The following PHTF2 variants were observed in gnomAD, a reference collection of about 807,000 sequenced individuals.
PHTF2 encodes the protein protein PHTF2.
A neutral mutation model predicts 101.2 loss-of-function variants in PHTF2; 60 were observed. The ratio of observed to expected loss-of-function variants is 0.59; its 90% CI spans 0.48 to 0.73. PHTF2 has a LOEUF of 0.73. Ranked by LOEUF, PHTF2 falls within the 30% of genes least tolerant of loss-of-function variation. The probability of loss-of-function intolerance (pLI) is 0.00; values close to 1 mark genes in which losing one functional copy is unlikely to be tolerated. For missense variants in PHTF2, 747 were observed against 908.7 expected, an observed-to-expected ratio of 0.82 and a Z score of 2.29; for synonymous variants, 311 against 307.3, an observed-to-expected ratio of 1.01 and a Z score of -0.13.
At chr7:77,892,962 T>C (rs1800565286) in intron 3 of PHTF2, among the ~76,000 whole-genome samples, 1 of 152,222 alleles carries the variant, frequency 6.6e-6, no homozygotes, top group Non-Finnish European at 1.5e-5. Flanking sequence ...TTAAAAATAA[T>C]GCCATAAAGA....
rs71082798 is a variant in PHTF2 at position 77,947,837 on chromosome 7, C to CTTTTTTTTTTTTTTTTT, written c.1960-1839_1960-1823dup. On this transcript the variant is annotated intron_variant, in intron 16 of 19. Coordinates refer to ENST00000416283, the Ensembl canonical transcript of PHTF2. Reference sequence around the variant, plus strand: ...TTATTTTCTTTTTTCTTTTTTCTTTCTTTTTTTTTTTTTTTTTTGAGACAG... The same window carrying CTTTTTTTTTTTTTTTTT: ...TTATTTTCTTTTTTCTTTTTTCTTTCTTTTTTTTTTTTTTTTTTTTTTTTTTTTTTTTTTTGAGACAG... Among the ~76,000 whole-genome samples the CTTTTTTTTTTTTTTTTT allele has an allele frequency of 5.1e-3, 374 of 73,792 alleles. 58 individuals are homozygous for CTTTTTTTTTTTTTTTTT. The highest frequency in any genetic ancestry group is 6.2e-3 in the African/African-American group (109 of 17,474). 48.4% of individuals were successfully genotyped at this position (73,792 alleles called of 152,430 possible).
At chr7:77,854,562 C>T (rs1028173789) in intron 2 of PHTF2, among the ~76,000 whole-genome samples, 34 of 152,118 alleles carry the variant, frequency 2.2e-4, no homozygotes, top group African/African-American at 8.2e-4. Context: ...CCCTACTCCC[C>T]GTACCCCCCA....
chr7:77,854,866 AG>A (rs1160847885), intron 3 of PHTF2: 1 of 744,950 alleles, frequency 1.3e-6, no homozygotes, highest in South Asian at 1.4e-5. Flanking sequence ...CTCTCTGTTC[AG>A]GGCAGCAGGC....
intron 1 of PHTF2, among the ~76,000 whole-genome samples, chr7:77,833,302 G>A (rs1408829025): frequency 6.6e-6 from 1 of 152,198 alleles, no homozygotes; most frequent in Non-Finnish European, 1.5e-5. Flanking sequence ...CAAGACATAT[G>A]AGAAGATGAT....
chr7:77,816,060 T>C (rs1793827318), intron 1 of PHTF2, among the ~76,000 whole-genome samples: 3 of 152,136 alleles, frequency 2.0e-5, no homozygotes, highest in Admixed American at 1.3e-4. Flanking sequence ...GTTATTCTTT[T>C]TATATATTGG....
chr7:77,917,363 C>G (rs1803023979), intron 9 of PHTF2, among the ~76,000 whole-genome samples: 1 of 152,176 alleles, frequency 6.6e-6, no homozygotes, highest in Admixed American at 6.5e-5. Context: ...AATCTGAGTT[C>G]AAGATACACT....
intron 2 of PHTF2, among the ~76,000 whole-genome samples, chr7:77,854,056 C>T (rs568642674): frequency 7.9e-5 from 12 of 152,144 alleles, no homozygotes; most frequent in Admixed American, 2.0e-4. Context: ...TCTTTGTATC[C>T]TGGGTTTGTT....
chr7:77,809,608 T>G (rs1287792402), intron 1 of PHTF2, among the ~76,000 whole-genome samples: 2 of 152,186 alleles, frequency 1.3e-5, no homozygotes, highest in Non-Finnish European at 2.9e-5. Context: ...TAAGGGAGAT[T>G]AATAGATTAA....
At chr7:77,856,337 T>C (rs1797179287) in intron 3 of PHTF2, among the ~76,000 whole-genome samples, 1 of 151,968 alleles carries the variant, frequency 6.6e-6, no homozygotes, top group South Asian at 2.1e-4. Flanking sequence ...AAAAATAAAT[T>C]TTTAAAAATT....
chr7:77,858,183 GT>G (rs1371507955), intron 3 of PHTF2, among the ~76,000 whole-genome samples: 1 of 152,112 alleles, frequency 6.6e-6, no homozygotes, highest in Non-Finnish European at 1.5e-5. Context: ...AAATAGATAG[GT>G]TAGTTTAGTT....
At chr7:77,908,857 T>A in exon 8 of PHTF2, 1 of 1,611,996 alleles carries the variant, frequency 6.2e-7, no homozygotes, top group Non-Finnish European at 8.5e-7. Flanking sequence ...CAGAGGTGAT[T>A]GGGCCGATAT....
At chr7:77,808,950 A>G (rs1477599490) in intron 1 of PHTF2, among the ~76,000 whole-genome samples, 1 of 152,174 alleles carries the variant, frequency 6.6e-6, no homozygotes, top group Non-Finnish European at 1.5e-5. Context: ...CATTACTCCC[A>G]TCATGTCTAG....
intron 12 of PHTF2, among the ~76,000 whole-genome samples, chr7:77,933,079 A>G (rs1382759021): frequency 6.6e-6 from 1 of 152,110 alleles, no homozygotes; most frequent in Non-Finnish European, 1.5e-5. Context: ...TCTACTAAAA[A>G]TACAAAAAAT....
chr7:77,923,626 A>G, intron 11 of PHTF2: 2 of 982,734 alleles, frequency 2.0e-6, no homozygotes, highest in South Asian at 4.7e-5. Context: ...CACTAATGCC[A>G]GTGTGTCTGC....
chr7:77,841,246 AT>A (rs1268981896), intron 2 of PHTF2, among the ~76,000 whole-genome samples: 1 of 151,210 alleles, frequency 6.6e-6, no homozygotes, highest in Non-Finnish European at 1.5e-5. Context: ...TGCCTGGCTA[AT>A]TTTTGTATAT....
At chr7:77,939,889 A>T (rs1477676806) in intron 13 of PHTF2, 141 bp from the exon 13 acceptor site, 3 of 599,394 alleles carry the variant, frequency 5.0e-6, no homozygotes, top group Non-Finnish European at 8.2e-6. Flanking sequence ...GTAGGCTCTC[A>T]AACTTGAATG....
intron 6 of PHTF2, among the ~76,000 whole-genome samples, 169 bp from the exon 6 acceptor site, chr7:77,901,591 ATG>A (rs2150832493): frequency 6.6e-6 from 1 of 152,348 alleles, no homozygotes; most frequent in Non-Finnish European, 1.5e-5. Flanking sequence ...ATTTCAAAAA[ATG>A]TTTTTTTCAA....
intron 3 of PHTF2, among the ~76,000 whole-genome samples, chr7:77,880,414 T>C (rs1799311059): frequency 6.6e-6 from 1 of 152,228 alleles, no homozygotes; most frequent in South Asian, 2.1e-4. Context: ...CCATCCTGTA[T>C]GTAGATACCC....
intron 1 of PHTF2, among the ~76,000 whole-genome samples, chr7:77,825,604 C>T (rs1443101754): frequency 6.6e-6 from 1 of 152,202 alleles, no homozygotes; most frequent in African/African-American, 2.4e-5. Flanking sequence ...AATTTTAGCT[C>T]TTCCTTTTCT....
Sources: allele counts gnomAD v4.1 joint callset (sites outside exome capture counted in the v4.1 genomes callset), GRCh38; gene constraint gnomAD v4.1.1; transcripts MANE v1.5; gene names NCBI Gene and HGNC (gene_info 2026-07-23, HGNC 2026-07-21).